KAZN: variants seen among roughly 807,000 people sequenced by gnomAD.
KAZN encodes kazrin.
A neutral mutation model predicts 87.4 loss-of-function variants in KAZN; 40 were observed. The observed-to-expected ratio is 0.46, with a 90% CI of 0.36 to 0.60. The LOEUF is 0.60. Among genes scored for constraint, KAZN ranks in the 20% least tolerant of loss-of-function variants. KAZN has a pLI of 0.00. For synonymous variants in KAZN, 466 were observed against 458.3 expected, an observed-to-expected ratio of 1.02 and a Z score of -0.22; for missense variants, 898 against 1,073.9, an observed-to-expected ratio of 0.84 and a Z score of 2.29.
chr1:14,320,913 C>T (rs1557637919), intron 2 of KAZN, among the ~76,000 whole-genome samples: 1 of 152,154 alleles, frequency 6.6e-6, no homozygotes, highest in Non-Finnish European at 1.5e-5. Context: ...AAGTCTCTTC[C>T]AGCTCTAACA....
At chr1:14,956,462 G>A (rs141992711) in intron 1 of KAZN, among the ~76,000 whole-genome samples, 21 of 152,032 alleles carry the variant, frequency 1.4e-4, no homozygotes, top group Middle Eastern at 3.4e-3. Context: ...TTACCCAGGC[G>A]TGGTGGCGGG....
At chr1:14,809,529 C>T (rs546805870) in intron 1 of KAZN, among the ~76,000 whole-genome samples, 4 of 152,300 alleles carry the variant, frequency 2.6e-5, no homozygotes, top group African/African-American at 9.6e-5. Context: ...CAGGGGAGTG[C>T]ACTGATTGGA....
At chr1:14,454,754 C>T (rs1460561103) in intron 2 of KAZN, among the ~76,000 whole-genome samples, 2 of 152,172 alleles carry the variant, frequency 1.3e-5, no homozygotes, top group African/African-American at 4.8e-5. Context: ...GTTGGCCATG[C>T]TTGGTCAGGG....
chr1:14,192,529 G>A (rs561470035), intron 2 of KAZN, among the ~76,000 whole-genome samples: 7 of 152,212 alleles, frequency 4.6e-5, no homozygotes, highest in African/African-American at 7.2e-5. Context: ...GAATATATAC[G>A]TGGAGGTGGC....
chr1:14,904,141 T>C (rs1656229012), intron 1 of KAZN, among the ~76,000 whole-genome samples: 1 of 152,106 alleles, frequency 6.6e-6, no homozygotes, highest in Non-Finnish European at 1.5e-5. Flanking sequence ...AGCCACTTCC[T>C]AGTTGTATGG....
chr1:15,045,054 C>G (rs1673336445), intron 4 of KAZN, among the ~76,000 whole-genome samples: 1 of 152,174 alleles, frequency 6.6e-6, no homozygotes, highest in African/African-American at 2.4e-5. Context: ...GGAGAGAGAG[C>G]CCTGGAGGTC....
rs1056404564 is a variant in KAZN at position 14,052,013 on chromosome 1, G to C, written c.92-128422G>C. Reference sequence around the variant, plus strand: ...GAGGCTAAACTTTGGGTATGGCAGTGGTCCCTTTATGAGCTGCTTCACCGT... The same window carrying C: ...GAGGCTAAACTTTGGGTATGGCAGTCGTCCCTTTATGAGCTGCTTCACCGT... On this transcript the variant is annotated intron_variant, in intron 1 of 16. Transcript: ENST00000636203. Among the ~76,000 whole-genome samples the C allele has an allele frequency of 2.0e-5, 3 of 152,330 alleles. No homozygotes were observed. In the East Asian group the frequency reaches 5.8e-4, roughly 29 times the overall value.
At chr1:15,105,359 G>A (rs1226354700) in intron 13 of KAZN, among the ~76,000 whole-genome samples, 1 of 152,134 alleles carries the variant, frequency 6.6e-6, no homozygotes, top group African/African-American at 2.4e-5. Context: ...GGTCTGTTCA[G>A]ATTTTCTATT....
chr1:14,717,831 C>T (rs140973231), intron 1 of KAZN, among the ~76,000 whole-genome samples: 1 of 152,166 alleles, frequency 6.6e-6, no homozygotes, highest in Non-Finnish European at 1.5e-5. Flanking sequence ...AAAGGTCGGG[C>T]CTTGATGCAA....
intron 1 of KAZN, among the ~76,000 whole-genome samples, chr1:14,022,835 A>G (rs779867604): frequency 6.6e-6 from 1 of 152,210 alleles, no homozygotes; most frequent in African/African-American, 2.4e-5. Flanking sequence ...GGGGTAGTTC[A>G]GTGCAAAGAC....
At chr1:14,044,914 G>A (rs1641999179) in intron 1 of KAZN, among the ~76,000 whole-genome samples, 1 of 152,122 alleles carries the variant, frequency 6.6e-6, no homozygotes, top group South Asian at 2.1e-4. Context: ...CTTCTGCCGG[G>A]GTAGATCAGA....
At chr1:14,539,988 G>A (rs768256143) in intron 2 of KAZN, among the ~76,000 whole-genome samples, 6 of 152,134 alleles carry the variant, frequency 3.9e-5, no homozygotes, top group East Asian at 1.9e-4. Flanking sequence ...GTATAAACTC[G>A]CTCACCATCC....
chr1:15,107,240 T>C (rs1641328050), intron 13 of KAZN, among the ~76,000 whole-genome samples: 1 of 152,178 alleles, frequency 6.6e-6, no homozygotes, highest in African/African-American at 2.4e-5. Context: ...TCACGAAGCT[T>C]ACAGAGATGG....
At chr1:14,875,902 G>A (rs1215499038) in intron 1 of KAZN, among the ~76,000 whole-genome samples, 1 of 152,194 alleles carries the variant, frequency 6.6e-6, no homozygotes, top group Admixed American at 6.5e-5. Flanking sequence ...TTCAGCCCAG[G>A]CATGACTGCC....
At chr1:14,662,877 A>G (rs1239291303) in intron 1 of KAZN, among the ~76,000 whole-genome samples, 1 of 147,710 alleles carries the variant, frequency 6.8e-6, no homozygotes, top group Non-Finnish European at 1.5e-5. Flanking sequence ...CAATACTTAT[A>G]TATATATGTA....
At chr1:15,029,598 A>G (rs962901265) in intron 2 of KAZN, among the ~76,000 whole-genome samples, 1 of 152,028 alleles carries the variant, frequency 6.6e-6, no homozygotes, top group African/African-American at 2.4e-5. Context: ...GCTGCACTGC[A>G]CCCCCACAAA....
In KAZN at chr1:14,161,269, T is replaced by C. The variant is rs148472063; in HGVS notation, c.92-19166T>C. Among the ~76,000 whole-genome samples, 18 of 152,318 alleles carry C rather than the reference T, an allele frequency of 1.2e-4. No individual in the cohort carries two copies. The East Asian group carries it at 3.3e-3, about 28-fold the overall frequency. On this transcript the variant is annotated intron_variant, in intron 1 of 16. Transcript: ENST00000636203. ...AATAACAGATCCTTATCTCACAATGTCTATGGGGCAGGAATTGTGGAGTGG... is the reference window on the plus strand; with the variant it reads ...AATAACAGATCCTTATCTCACAATGCCTATGGGGCAGGAATTGTGGAGTGG...
intron 2 of KAZN, among the ~76,000 whole-genome samples, chr1:14,362,370 T>C (rs1436069797): frequency 6.6e-6 from 1 of 152,246 alleles, no homozygotes; most frequent in African/African-American, 2.4e-5. Context: ...GTGTGGCAAC[T>C]TGCTTTTTCA....
intron 1 of KAZN, among the ~76,000 whole-genome samples, chr1:14,035,302 G>T (rs1024023789): frequency 6.6e-6 from 1 of 152,022 alleles, no homozygotes; most frequent in Admixed American, 6.6e-5. Context: ...AGTGGTGAAG[G>T]CTCCAGTTTT....
Sources: gnomAD v4.1 joint callset for allele counts (sites outside exome capture counted in the v4.1 genomes callset) on GRCh38, gnomAD v4.1.1 for gene constraint, MANE v1.5 for transcripts, NCBI Gene and HGNC (gene_info 2026-07-23, HGNC 2026-07-21) for gene names.